Variants in RNU2-1 observed in about 807,000 individuals in gnomAD.
RNU2-1 encodes the protein RNA, U2 small nuclear 1.
At chr17:43,233,914 T>TA (rs1473091397) in exon 1 of RNU2-1, 1 of 1,192 alleles carries the variant, frequency 8.4e-4, no homozygotes, top group South Asian at 0.014. Context: ...AGAGGACGTA[T>TA]CAGATATTAA....
chr17:43,233,854 C>CA (rs1477171520), exon 1 of RNU2-1: 45 of 5,472 alleles, frequency 8.2e-3, no homozygotes, highest in East Asian at 0.024. Flanking sequence ...GAGCAAGCTC[C>CA]TATTCCATCT....
exon 1 of RNU2-1, chr17:43,233,850 G>A (rs1400163390): frequency 1.7e-4 from 1 of 5,956 alleles, no homozygotes; most frequent in East Asian, 5.4e-3. Flanking sequence ...GACGGAGCAA[G>A]CTCCTATTCC....
exon 1 of RNU2-1, chr17:43,233,876 A>G (rs2057603945): frequency 8.5e-4 from 3 of 3,548 alleles, no homozygotes; most frequent in African/African-American, 2.3e-3. Flanking sequence ...CCTGCTCCAA[A>G]AATCCATTTA....
chr17:43,233,801 T>TA (rs2057603521), exon 1 of RNU2-1: 1 of 6,394 alleles, frequency 1.6e-4, no homozygotes, highest in African/African-American at 4.2e-4. Flanking sequence ...GGTGCACCGT[T>TA]CCTGGAGGTA....
chr17:43,233,867 C>CA (rs1442450875), exon 1 of RNU2-1: 1 of 4,438 alleles, frequency 2.3e-4, no homozygotes, highest in African/African-American at 6.4e-4. Context: ...TTCCATCTCC[C>CA]TGCTCCAAAA....
Sources: gnomAD v4.1 joint callset for allele counts on GRCh38, gnomAD v4.1.1 for gene constraint, MANE v1.5 for transcripts, NCBI Gene and HGNC (gene_info 2026-07-23, HGNC 2026-07-21) for gene names.